Variants in SYNDIG1 observed in about 807,000 individuals in gnomAD.
SYNDIG1 encodes synapse differentiation-inducing gene protein 1.
Under a neutral mutation model 19.4 loss-of-function variants are expected in SYNDIG1, and 9 were observed. The ratio of observed to expected loss-of-function variants is 0.46; its 90% CI spans 0.28 to 0.81. The LOEUF (loss-of-function observed/expected upper bound fraction) is 0.81, where lower values mean the gene tolerates loss of function less well. Among genes scored for constraint, SYNDIG1 ranks in the 30% least tolerant of loss-of-function variants. SYNDIG1 has a pLI of 0.12. For missense variants in SYNDIG1, 311 were observed against 343.3 expected (o/e 0.91, Z 0.74); for synonymous variants, 141 against 145.9 (o/e 0.97, Z 0.24).
chr20:24,530,190 CTG>C, intron 1 of SYNDIG1, among the ~76,000 whole-genome samples: 1 of 152,174 alleles, frequency 6.6e-6, no homozygotes, highest in South Asian at 2.1e-4. Context: ...TGGTCTGAAT[CTG>C]CAGGTTTTCT....
At chr20:24,595,904 A>G (rs1337918743) in intron 3 of SYNDIG1, among the ~76,000 whole-genome samples, 4 of 152,142 alleles carry the variant, frequency 2.6e-5, no homozygotes, top group African/African-American at 9.7e-5. Context: ...TTCAAAGAAC[A>G]AACTTCTGGA....
intron 1 of SYNDIG1, among the ~76,000 whole-genome samples, chr20:24,521,315 A>T (rs773215286): frequency 6.6e-6 from 1 of 151,792 alleles, no homozygotes; most frequent in Non-Finnish European, 1.5e-5. Context: ...ACTGCTTTCA[A>T]TTTTTTTTAA....
chr20:24,599,740 T>C, intron 3 of SYNDIG1, among the ~76,000 whole-genome samples: 1 of 152,132 alleles, frequency 6.6e-6, no homozygotes, highest in East Asian at 1.9e-4. Flanking sequence ...AAAAGGCAAA[T>C]ACTACCTGCT....
chr20:24,572,387 A>G (rs959875363), intron 2 of SYNDIG1, among the ~76,000 whole-genome samples: 5 of 152,140 alleles, frequency 3.3e-5, no homozygotes, highest in African/African-American at 1.2e-4. Context: ...AATCACCTGA[A>G]CTCAGGGTTC....
At chr20:24,554,586 G>C (rs1357676235) in intron 2 of SYNDIG1, among the ~76,000 whole-genome samples, 1 of 152,182 alleles carries the variant, frequency 6.6e-6, no homozygotes, top group African/African-American at 2.4e-5. Context: ...CTTTGGTTCT[G>C]TTTATATGCT....
At chr20:24,640,819 G>A (rs567102621) in intron 3 of SYNDIG1, among the ~76,000 whole-genome samples, 39 of 152,278 alleles carry the variant, frequency 2.6e-4, no homozygotes, top group African/African-American at 8.7e-4. Flanking sequence ...CTAGCAACCC[G>A]ATAGCATTTC....
intron 3 of SYNDIG1, among the ~76,000 whole-genome samples, chr20:24,656,856 C>A (rs895803315): frequency 1.3e-5 from 2 of 152,230 alleles, no homozygotes; most frequent in African/African-American, 4.8e-5. Flanking sequence ...ATGTAACCCC[C>A]AGTGTTGGAG....
intron 2 of SYNDIG1, among the ~76,000 whole-genome samples, chr20:24,550,667 C>T (rs973497787): frequency 8.5e-5 from 13 of 152,048 alleles, no homozygotes; most frequent in African/African-American, 2.4e-4. Context: ...CGCCACCATG[C>T]CCGGCTAATT....
At chr20:24,587,316 A>C (rs985598329) in intron 3 of SYNDIG1, among the ~76,000 whole-genome samples, 1 of 152,150 alleles carries the variant, frequency 6.6e-6, no homozygotes, top group Non-Finnish European at 1.5e-5. Flanking sequence ...ACACTTTTAT[A>C]AAGATACCTG....
chr20:24,476,093 T>C (rs1455059853), intron 1 of SYNDIG1, among the ~76,000 whole-genome samples: 1 of 151,374 alleles, frequency 6.6e-6, no homozygotes, highest in African/African-American at 2.4e-5. Context: ...ACTCCTGACC[T>C]TAAGTGATCT....
chr20:24,514,421 T>C (rs2056817617), intron 1 of SYNDIG1, among the ~76,000 whole-genome samples: 1 of 151,996 alleles, frequency 6.6e-6, no homozygotes, highest in Admixed American at 6.6e-5. Flanking sequence ...AGTAAAGGGA[T>C]GAAGGAAGAT....
At chr20:24,528,383 G>A (rs549883101) in intron 1 of SYNDIG1, among the ~76,000 whole-genome samples, 15 of 152,220 alleles carry the variant, frequency 9.9e-5, no homozygotes, top group African/African-American at 3.6e-4. Context: ...GCTTGTCTTA[G>A]TTTGCTTCTG....
chr20:24,616,790 G>A (rs940229679), intron 3 of SYNDIG1, among the ~76,000 whole-genome samples: 1 of 152,234 alleles, frequency 6.6e-6, no homozygotes, highest in Non-Finnish European at 1.5e-5. Context: ...TGCTGCTGCT[G>A]TGATGCCCGG....
chr20:24,543,470 A>G lies in SYNDIG1; in HGVS notation c.373A>G (p.Ser125Gly), dbSNP rs779923934. The change falls in exon 2 of 4, where the codon AGC becomes GGC. Residue 125 changes from serine to glycine, a missense_variant. Coordinates refer to ENST00000376862, the MANE Select transcript of SYNDIG1 (RefSeq NM_024893.3). ...FIEDRSPTKD[S>G]LEYPDGKFID... ...CGAGGACCGGTCGCCCACCAAAGAC[A>G]GCCTCGAGTACCCGGATGGGAAGTT... is the stretch of plus-strand genomic sequence containing the variant. 9.3e-6 allele frequency: 15 copies of G among 1,613,346 alleles called. No homozygotes were observed. The highest frequency in any genetic ancestry group is 1.3e-5 in the African/African-American group (1 of 74,890).
intron 1 of SYNDIG1, among the ~76,000 whole-genome samples, chr20:24,507,208 C>A (rs914354118): frequency 2.0e-5 from 3 of 152,178 alleles, no homozygotes; most frequent in Non-Finnish European, 4.4e-5. Context: ...TGCGACTGCT[C>A]CTGGGCTCTG....
chr20:24,493,651 G>A (rs1431101812), intron 1 of SYNDIG1, among the ~76,000 whole-genome samples: 3 of 152,224 alleles, frequency 2.0e-5, no homozygotes, highest in Non-Finnish European at 4.4e-5. Flanking sequence ...TGTCAACTGG[G>A]CCTGAAATCT....
At chr20:24,482,994 A>G (rs1163909720) in intron 1 of SYNDIG1, among the ~76,000 whole-genome samples, 2 of 152,258 alleles carry the variant, frequency 1.3e-5, no homozygotes, top group Admixed American at 6.5e-5. Context: ...TATGATTTGA[A>G]TTCATAAATA....
intron 3 of SYNDIG1, among the ~76,000 whole-genome samples, chr20:24,615,841 G>A (rs1033643818): frequency 6.0e-4 from 39 of 65,212 alleles, no homozygotes; most frequent in East Asian, 1.5e-3. Context: ...TCCCCCACCC[G>A]CCCCTCTCTG....
chr20:24,556,344 CATT>C (rs1400819705), intron 2 of SYNDIG1, among the ~76,000 whole-genome samples: 7 of 152,146 alleles, frequency 4.6e-5, no homozygotes, highest in African/African-American at 1.7e-4. Context: ...TTGATCCTGT[CATT>C]ATGATGTTAG....
Sources: gnomAD v4.1 joint callset for allele counts (sites outside exome capture counted in the v4.1 genomes callset) on GRCh38, gnomAD v4.1.1 for gene constraint, MANE v1.5 for transcripts, NCBI Gene and HGNC (gene_info 2026-07-23, HGNC 2026-07-21) for gene names.